The following MCF2L variants were observed in gnomAD, a reference collection of about 807,000 sequenced individuals.
The protein encoded by MCF2L is MCF.2 cell line derived transforming sequence like, also known as guanine nucleotide exchange factor DBS.
Under a neutral mutation model 153.4 loss-of-function variants are expected in MCF2L, and 97 were observed. The observed-to-expected ratio is 0.63, with a 90% confidence interval of 0.54 to 0.75. The LOEUF (loss-of-function observed/expected upper bound fraction) is 0.75. MCF2L is among the 30% of genes least tolerant of loss of function. The pLI is 0.00. For missense variants in MCF2L, 1,347 were observed against 1,495.2 expected (o/e 0.90, Z 1.64); for synonymous variants, 659 against 632.2 (o/e 1.04, Z -0.64).
At chr13:112,975,488 A>G (rs2993275) in intron 1 of MCF2L, among the ~76,000 whole-genome samples, 68,120 of 152,142 alleles carry the variant, frequency 0.45, 16,422 homozygotes, top group African/African-American at 0.63. Flanking sequence ...TTGATGTGAC[A>G]ATCAAATGAG....
At chr13:113,057,855 GTGTT>G (rs746295376) in intron 4 of MCF2L, among the ~76,000 whole-genome samples, 2 of 147,868 alleles carry the variant, frequency 1.4e-5, no homozygotes, top group Non-Finnish European at 3.0e-5. Context: ...TGGGCGCTGT[GTGTT>G]TGGGCACTGA....
chr13:113,090,243 G>A (rs752230685), intron 26 of MCF2L: 62 of 1,404,222 alleles, frequency 4.4e-5, no homozygotes, highest in African/African-American at 7.2e-5. Flanking sequence ...TGCCTCCTTC[G>A]TCACAAGGGC....
At position 112,979,973 on chromosome 13, in the gene MCF2L, G is replaced by A. The variant is rs188564020; in HGVS notation, c.79+10515G>A. Among the ~76,000 whole-genome samples the A allele has an allele frequency of 1.2e-3, 182 of 152,278 alleles. 1 individual carries two copies. Among genetic ancestry groups the A allele is most frequent in the Non-Finnish European group, 1.3e-3 (88 of 68,016 alleles). Reference sequence around the variant, plus strand: ...AGTTTTCTTTGTTCATCTCTGGGTCGGCCCTGTCCTGCAGTTCTGGAACCT... The same window carrying A: ...AGTTTTCTTTGTTCATCTCTGGGTCAGCCCTGTCCTGCAGTTCTGGAACCT... On this transcript the variant is annotated intron_variant, in intron 1 of 29. Transcript: ENST00000535094.
chr13:113,065,207 C>A, intron 7 of MCF2L, 122 bp downstream of exon 7: 1 of 1,230,534 alleles, frequency 8.1e-7, no homozygotes. Context: ...GTCAGCAGCA[C>A]GTAAGACCAA....
chr13:113,051,448 C>T (rs1026255944), intron 4 of MCF2L, among the ~76,000 whole-genome samples: 2 of 152,178 alleles, frequency 1.3e-5, no homozygotes, highest in African/African-American at 4.8e-5. Context: ...AACGACTGTC[C>T]TTCATCCGAG....
At chr13:112,992,954 AC>A (rs1437232125) in intron 1 of MCF2L, among the ~76,000 whole-genome samples, 1 of 152,176 alleles carries the variant, frequency 6.6e-6, no homozygotes, top group Non-Finnish European at 1.5e-5. Flanking sequence ...CCTGGTGCAA[AC>A]CCCAAAATAC....
chr13:113,081,374 C>A, intron 16 of MCF2L, 95 bp downstream of exon 16: 1 of 1,236,990 alleles, frequency 8.1e-7, no homozygotes, highest in Non-Finnish European at 1.1e-6. Flanking sequence ...GAGCAGCCTG[C>A]TGTCCACCAA....
chr13:113,075,100 C>G lies in MCF2L; in HGVS notation c.1219C>G (p.Arg407Gly), dbSNP rs74926660. The G allele has an allele frequency of 2.2e-4, 352 of 1,613,700 alleles. 1 individual carries two copies. The African/African-American group carries it at 4.3e-3, about 20-fold the overall frequency. ...DSIRPKCQEL[R>G]HLCDQFSAEI... Reference sequence around the variant, plus strand: ...CATCCGCCCAAAGTGCCAGGAGCTCCGGCACCTCTGTGACCAGTTCTCTGC... The same window carrying G: ...CATCCGCCCAAAGTGCCAGGAGCTCGGGCACCTCTGTGACCAGTTCTCTGC... The change falls in exon 11 of 30, where the codon CGG (arginine) becomes GGG (glycine). Residue 407 changes from arginine to glycine, a missense_variant. Coordinates refer to ENST00000535094, the MANE Select transcript of MCF2L (RefSeq NM_001112732.3).
At chr13:112,991,699 T>C (rs1409602167) in intron 1 of MCF2L, among the ~76,000 whole-genome samples, 1 of 152,218 alleles carries the variant, frequency 6.6e-6, no homozygotes, top group Non-Finnish European at 1.5e-5. Context: ...GTGACCCTGA[T>C]TTTCATGCTC....
At chr13:113,050,176 C>CTG (rs1328057373) in intron 4 of MCF2L, among the ~76,000 whole-genome samples, 9 of 150,714 alleles carry the variant, frequency 6.0e-5, no homozygotes, top group African/African-American at 1.5e-4. Flanking sequence ...GAGTGTGTGA[C>CTG]TGTGTGTGTG....
At chr13:113,093,173 C>G (rs972311301) in intron 26 of MCF2L, among the ~76,000 whole-genome samples, 1 of 152,260 alleles carries the variant, frequency 6.6e-6, no homozygotes, top group African/African-American at 2.4e-5. Context: ...GTAGAGGAGG[C>G]ACCTGGGCCC....
chr13:112,906,063 C>A (rs1237162266), intron 2 of MCF2L, among the ~76,000 whole-genome samples: 2 of 152,198 alleles, frequency 1.3e-5, no homozygotes, highest in African/African-American at 4.8e-5. Flanking sequence ...TCACAGGAGG[C>A]CTGGGTCCTG....
Position 113,096,058 on chromosome 13 carries a change from C to T in MCF2L, c.3076-313C>T, listed in dbSNP as rs1047680591. The T allele has an allele frequency of 6.1e-6, 3 of 495,364 alleles. No individual in the cohort carries two copies. In the African/African-American group the frequency reaches 6.1e-5, roughly 10 times the overall value. The allele number at this position is 495,364 out of a possible 1,614,324, so 30.7% of individuals were successfully genotyped here. On this transcript the variant is annotated intron_variant, in intron 27 of 29. Coordinates refer to ENST00000535094, the MANE Select transcript of MCF2L (RefSeq NM_001112732.3). ...AGCATGGAAATAAGACCTGAAAGCA[C>T]GGAAGGGCCCTCCGGGAGGCGGGTA... is the stretch of plus-strand genomic sequence containing the variant.
At chr13:113,093,197 C>G (rs492450) in intron 26 of MCF2L, among the ~76,000 whole-genome samples, 135,417 of 152,328 alleles carry the variant, frequency 0.89, 60,350 homozygotes, top group Admixed American at 0.9. Flanking sequence ...CCCTTGCTGT[C>G]TCTCAGCCTC....
At chr13:113,060,220 T>G (rs184565507) in intron 4 of MCF2L, among the ~76,000 whole-genome samples, 297 of 152,280 alleles carry the variant, frequency 2.0e-3, no homozygotes, top group African/African-American at 7.0e-3. Flanking sequence ...CACTTTAGCT[T>G]GGTTACCTCT....
chr13:113,089,928 C>T, intron 26 of MCF2L, 200 bp downstream of exon 26: 1 of 1,599,140 alleles, frequency 6.3e-7, no homozygotes. Flanking sequence ...TGCACCCCTG[C>T]ATCAGCAAGG....
intron 2 of MCF2L, among the ~76,000 whole-genome samples, chr13:112,918,342 C>G (rs544259652): frequency 2.8e-4 from 43 of 152,304 alleles, no homozygotes; most frequent in African/African-American, 9.4e-4. Context: ...GGGAAGCCAG[C>G]TTGGTGGAAG....
chr13:113,060,720 C>T lies in MCF2L; in HGVS notation c.489+8C>T, dbSNP rs182003500. 1.4e-5 allele frequency: 22 copies of T among 1,611,930 alleles called. No homozygotes were observed. The South Asian group carries it at 1.4e-4, about 10-fold the overall frequency. The stretch of plus-strand genomic sequence containing the variant: ...TTTAAGATGAAGGTGCCGGTAAGTG[C>T]GCCCCGCCTCCATCCTGCGGTAGCA... On this transcript the variant is annotated splice_region_variant and intron_variant, in intron 5 of 29. Transcript: ENST00000535094.
chr13:113,049,620 G>T (rs2087074544), intron 4 of MCF2L, among the ~76,000 whole-genome samples: 2 of 152,190 alleles, frequency 1.3e-5, no homozygotes, highest in South Asian at 4.1e-4. Flanking sequence ...GTCCAGGCCA[G>T]CCGAGCCCTC....
Sources: allele counts gnomAD v4.1 joint callset (sites outside exome capture counted in the v4.1 genomes callset), GRCh38; gene constraint gnomAD v4.1.1; transcripts MANE v1.5; gene names NCBI Gene and HGNC (gene_info 2026-07-23, HGNC 2026-07-21).